AKAP17A: variants seen among roughly 807,000 people sequenced by gnomAD.
The protein encoded by AKAP17A is A-kinase anchoring protein 17A, also known as A-kinase anchor protein 17A.
In AKAP17A, 15 loss-of-function variants were observed where a neutral mutation model predicts 52.2. The ratio of observed to expected loss-of-function variants is 0.29; its 90% CI spans 0.19 to 0.44. AKAP17A has a LOEUF of 0.44. AKAP17A is among the 20% of genes least tolerant of loss of function. The pLI, the probability that AKAP17A is intolerant of heterozygous loss-of-function variation, is 1.00. For missense variants in AKAP17A, 1,060 were observed against 1,007.0 expected, an observed-to-expected ratio of 1.05 and a Z score of -0.71; for synonymous variants, 514 against 424.7, an observed-to-expected ratio of 1.21 and a Z score of -2.58.
Position 1,596,594 on chromosome X carries a change from C to A in AKAP17A, c.911+1062C>A, listed in dbSNP as rs1415754150. On this transcript the variant is annotated intron_variant, in intron 3 of 4. Coordinates refer to ENST00000313871, the MANE Select transcript of AKAP17A (RefSeq NM_005088.3). Reference sequence around the variant, plus strand: ...GGATTCCTCCTCCTCCTCCTCCATCCCTCCCACCCTCCTAGTGAGGTGGAT... The same window carrying A: ...GGATTCCTCCTCCTCCTCCTCCATCACTCCCACCCTCCTAGTGAGGTGGAT... Among the ~76,000 whole-genome samples, 24 of 121,786 alleles carry A rather than the reference C, an allele frequency of 2.0e-4. 2 individuals are homozygous for A. Among genetic ancestry groups the A allele is most frequent in the Non-Finnish European group, 2.9e-4 (17 of 57,670 alleles). The allele number at this position is 121,786 out of a possible 152,430, so 79.9% of individuals were successfully genotyped here.
intron 4 of AKAP17A, chrX:1,600,064 C>T (rs1933271947): frequency 1.1e-6 from 1 of 942,590 alleles, no homozygotes; most frequent in Non-Finnish European, 1.5e-6. Context: ...CCGGCACGCT[C>T]CTTGTCCTCA....
rs1933383775 is a variant in AKAP17A, at chrX:1,601,520, A to AGCC, written c.2018_2020dup (p.Arg673dup). The AGCC allele has an allele frequency of 3.3e-6, 5 of 1,501,380 alleles. No homozygotes were observed. The highest frequency in any genetic ancestry group is 4.7e-5 in the Admixed American group (2 of 42,382). The allele number at this position is 1,501,380 out of a possible 1,614,324, so 93.0% of individuals were successfully genotyped here. ...GAGGGGCAGCGCCAGCAGGAAGCAC[A>AGCC]GCCGCCACCGCCGCCGAAGCGAGCG... On this transcript the variant is annotated inframe_insertion, in exon 5 of 5. Coordinates refer to ENST00000313871, the MANE Select transcript of AKAP17A (RefSeq NM_005088.3).
intron 4 of AKAP17A, chrX:1,599,824 G>C: frequency 1.7e-6 from 1 of 599,966 alleles, no homozygotes; most frequent in Non-Finnish European, 3.0e-6. Flanking sequence ...CAGTGGCCCA[G>C]AGCAGAGGGG....
chrX:1,597,909 C>G (rs1319827842), intron 3 of AKAP17A, among the ~76,000 whole-genome samples: 1 of 152,132 alleles, frequency 6.6e-6, no homozygotes, highest in South Asian at 2.1e-4. Flanking sequence ...TCTGGGGGAG[C>G]TGGCCAGGAG....
Position 1,594,002 on chromosome X carries a change from G to T in AKAP17A, c.540G>T (p.Lys180Asn). The T allele has an allele frequency of 6.2e-7, 1 of 1,605,024 alleles. No homozygotes were observed. The highest frequency in any genetic ancestry group is 8.5e-7 in the Non-Finnish European group (1 of 1,174,734). ...SEDVLVKVFEKFGEIRNVDIP... is the reference protein window; with the variant it reads ...SEDVLVKVFENFGEIRNVDIP... ...ACGTCCTGGTCAAGGTGTTTGAGAA[G>T]TTCGGGGAGATCCGGAATGTGGACA... The change falls in exon 2 of 5, where the codon AAG (lysine) becomes AAT (asparagine). Residue 180 changes from lysine (K) to asparagine (N), a missense_variant. Coordinates refer to ENST00000313871, the MANE Select transcript of AKAP17A (RefSeq NM_005088.3).
intron 4 of AKAP17A, chrX:1,600,311 G>A (rs1431653458): frequency 3.4e-5 from 29 of 848,440 alleles, no homozygotes; most frequent in Middle Eastern, 3.3e-4. Flanking sequence ...GCTGGCGGCC[G>A]CTTGTGACCT....
At chrX:1,600,396 G>T in intron 4 of AKAP17A, 2 of 620,324 alleles carry the variant, frequency 3.2e-6, no homozygotes, top group East Asian at 5.7e-5. Flanking sequence ...CCGCCCTGGG[G>T]CTGCGCCGAG....
At chrX:1,595,665 C>A in intron 3 of AKAP17A, 133 bp downstream of exon 3, 1 of 1,406,528 alleles carries the variant, frequency 7.1e-7, no homozygotes, top group South Asian at 1.3e-5. Context: ...TGTGTGTGTA[C>A]CTGTGTGCAT....
intron 1 of AKAP17A, 50 bp from the exon 2 acceptor site, chrX:1,593,394 C>CGGGGGGG: frequency 6.5e-7 from 1 of 1,545,324 alleles, no homozygotes; most frequent in Non-Finnish European, 8.8e-7. Context: ...TCCTCATTGG[C>CGGGGGGG]GGGGGAGGTG....
intron 4 of AKAP17A, chrX:1,599,674 G>A (rs775462630): frequency 5.0e-5 from 34 of 678,654 alleles, no homozygotes; most frequent in East Asian, 3.5e-4. Flanking sequence ...CAGGTTCCCC[G>A]AGCAGGCTGG....
At chrX:1,597,200 C>A (rs1281284728) in intron 3 of AKAP17A, among the ~76,000 whole-genome samples, 1 of 152,190 alleles carries the variant, frequency 6.6e-6, no homozygotes, top group South Asian at 2.1e-4. Context: ...GGGAGCAGGT[C>A]CATCCTGCCC....
rs193269079 is a variant in AKAP17A, at chrX:1,601,359, G to T, written c.1853G>T (p.Arg618Leu). 3.8e-6 allele frequency: 6 copies of T among 1,584,180 alleles called. No individual in the cohort carries two copies. Among genetic ancestry groups the T allele is most frequent in the Non-Finnish European group, 5.1e-6 (6 of 1,169,734 alleles). Residue 618 changes from arginine (R) to leucine (L), a missense_variant, in exon 5 of 5, where the codon CGC becomes CTC. Around this residue, in one of 2 missense-constraint regions of AKAP17A, gnomAD observed 793 missense variants for 629.9 expected, o/e 1.26. Transcript: ENST00000313871. ...AGCAGCAGGGAGGACGGGAGGCCAC[G>T]CAAGGAGCGGCGGCCCCACAAGAAG... The part of the protein sequence containing the change: ...RASSREDGRP[R>L]KERRPHKKHA...
chrX:1,601,181 G>T lies in AKAP17A; in HGVS notation c.1675G>T (p.Gly559Cys), dbSNP rs1215379878. 2 of 1,613,920 alleles carry T rather than the reference G, an allele frequency of 1.2e-6. No homozygotes were observed. Among genetic ancestry groups the T allele is most frequent in the Non-Finnish European group, 1.7e-6 (2 of 1,179,808 alleles). Residue 559 changes from glycine to cysteine, a missense_variant, in exon 5 of 5, where the codon GGC becomes TGC. Around this residue, in one of 2 missense-constraint regions of AKAP17A, gnomAD observed 793 missense variants for 629.9 expected, o/e 1.26. Transcript: ENST00000313871. ...TCCTGACAACAACCAACAGCCCAAGGGCATCCCTGCCTGCGAGCAGAATGT... is the reference window on the plus strand; with the variant it reads ...TCCTGACAACAACCAACAGCCCAAGTGCATCCCTGCCTGCGAGCAGAATGT... Reference protein sequence around the residue: ...CIPDNNQQPKGIPACEQNVSR... With the variant: ...CIPDNNQQPKCIPACEQNVSR...
Position 1,601,010 on chromosome X carries a change from C to T in AKAP17A, c.1504C>T (p.His502Tyr), listed in dbSNP as rs1179599290. ...CGGTGCCCCCAAGGAGAGCCCGGCC[C>T]ACCCAGAGGCCGACGGCGCTCCCAA... is the stretch of plus-strand genomic sequence containing the variant. Reference protein sequence around the residue: ...PAGAPKESPAHPEADGAPKSV... With the variant: ...PAGAPKESPAYPEADGAPKSV... Residue 502 changes from histidine (H) to tyrosine (Y), a missense_variant, in exon 5 of 5, where the codon CAC (histidine) becomes TAC (tyrosine). Around this residue, in one of 2 missense-constraint regions of AKAP17A, gnomAD observed 793 missense variants for 629.9 expected, o/e 1.26. Transcript: ENST00000313871. 2 of 1,608,730 alleles carry T rather than the reference C, an allele frequency of 1.2e-6. No homozygotes were observed. Among genetic ancestry groups the T allele is most frequent in the East Asian group, 2.2e-5 (1 of 44,692 alleles).
chrX:1,600,102 C>T (rs763532257), intron 4 of AKAP17A: 28 of 1,266,032 alleles, frequency 2.2e-5, no homozygotes, highest in South Asian at 7.5e-5. Flanking sequence ...TGGAGTCCAA[C>T]GCGGGGCGAC....
chrX:1,593,882 C>A lies in AKAP17A; in HGVS notation c.420C>A (p.Thr140=), dbSNP rs1213167952. The A allele has an allele frequency of 6.2e-7, 1 of 1,612,338 alleles. No homozygotes were observed. The highest frequency in any genetic ancestry group is 2.2e-5 in the East Asian group (1 of 44,862). The part of the protein sequence containing the change: ...FFRDAKDMNE[T]LPGERPDTIH... ...GCGACGCCAAGGACATGAACGAGAC[C>A]CTGCCGGGGGAGCGGCCGGACACCA... The change falls in exon 2 of 5, where the codon ACC becomes ACA. Residue 140 remains threonine (T), a synonymous_variant. Coordinates refer to ENST00000313871, the MANE Select transcript of AKAP17A (RefSeq NM_005088.3).
At chrX:1,592,568 C>T (rs1274084231) in intron 1 of AKAP17A, among the ~76,000 whole-genome samples, 6 of 152,186 alleles carry the variant, frequency 3.9e-5, no homozygotes, top group African/African-American at 9.6e-5. Flanking sequence ...GCTTCTCCAC[C>T]CTCCCTCCCT....
intron 1 of AKAP17A, among the ~76,000 whole-genome samples, chrX:1,592,456 C>A (rs1322310579): frequency 6.6e-6 from 1 of 151,652 alleles, no homozygotes; most frequent in Non-Finnish European, 1.5e-5. Context: ...GAGGGTTCCT[C>A]GGTGGTGAAG....
At chrX:1,600,111 A>C in intron 4 of AKAP17A, 2 of 1,292,330 alleles carry the variant, frequency 1.5e-6, no homozygotes, top group Admixed American at 4.6e-5. Context: ...ACGCGGGGCG[A>C]CCCCATAACC....
Sources: allele counts gnomAD v4.1 joint callset (sites outside exome capture counted in the v4.1 genomes callset), GRCh38; gene constraint gnomAD v4.1.1; regional missense constraint gnomAD v4.1.1; transcripts MANE v1.5; gene names NCBI Gene and HGNC (gene_info 2026-07-23, HGNC 2026-07-21).